PTGES3: variants seen among roughly 807,000 people sequenced by gnomAD.
The protein encoded by PTGES3 is prostaglandin E synthase 3.
Under a neutral mutation model 29.9 loss-of-function variants are expected in PTGES3, and 5 were observed. The ratio of observed to expected loss-of-function variants is 0.17; its 90% CI spans 0.09 to 0.35. The LOEUF (loss-of-function observed/expected upper bound fraction) is 0.35, where lower values mean the gene tolerates loss of function less well. Among genes scored for constraint, PTGES3 ranks in the 10% least tolerant of loss-of-function variants. The pLI, the probability that PTGES3 is intolerant of heterozygous loss-of-function variation, is 1.00. For synonymous variants in PTGES3, 49 were observed against 57.8 expected, an observed-to-expected ratio of 0.85 and a Z score of 0.69; for missense variants, 128 against 190.0, an observed-to-expected ratio of 0.67 and a Z score of 1.92.
intron 2 of PTGES3, 42 bp from the exon 3 acceptor site, chr12:56,672,851 G>T: frequency 1.3e-6 from 2 of 1,545,978 alleles, no homozygotes; most frequent in South Asian, 2.5e-5. Flanking sequence ...TCTTCAAAGA[G>T]ACAAAGATTA....
chr12:56,676,239 A>AC (rs1418222567), intron 1 of PTGES3, among the ~76,000 whole-genome samples: 16 of 151,438 alleles, frequency 1.1e-4, no homozygotes, highest in Non-Finnish European at 1.6e-4. Flanking sequence ...CCCCAAAAAA[A>AC]AAAAAAAAGC....
chr12:56,666,419 A>G (rs1951788762), intron 5 of PTGES3, among the ~76,000 whole-genome samples, 153 bp from the exon 6 acceptor site: 1 of 152,228 alleles, frequency 6.6e-6, no homozygotes, highest in African/African-American at 2.4e-5. Flanking sequence ...GAAAAGGAAG[A>G]TTATAGGTAA....
intron 1 of PTGES3, among the ~76,000 whole-genome samples, chr12:56,675,294 T>C (rs1952184804): frequency 1.3e-5 from 2 of 150,574 alleles, no homozygotes; most frequent in African/African-American, 2.5e-5. Flanking sequence ...AGCAAGACTC[T>C]GTCTCAAAAA....
At chr12:56,670,851 A>C (rs1326794175) in intron 4 of PTGES3, 1 of 154,562 alleles carries the variant, frequency 6.5e-6, no homozygotes, top group Non-Finnish European at 1.4e-5. Context: ...CTGTAACCCC[A>C]ACACTTTGGG....
intron 5 of PTGES3, 147 bp from the exon 6 acceptor site, chr12:56,666,413 A>AG: frequency 1.9e-6 from 2 of 1,070,196 alleles, no homozygotes; most frequent in Non-Finnish European, 2.5e-6. Context: ...CTTCTGGAAA[A>AG]GGAAGATTAT....
intron 5 of PTGES3, among the ~76,000 whole-genome samples, chr12:56,669,548 GC>G (rs1308162306): frequency 1.3e-5 from 2 of 152,168 alleles, no homozygotes; most frequent in Non-Finnish European, 2.9e-5. Context: ...CTCCCAAAGT[GC>G]TGGGATTACA....
chr12:56,680,078 G>GGT, intron 1 of PTGES3, among the ~76,000 whole-genome samples: 1 of 139,590 alleles, frequency 7.2e-6, no homozygotes, highest in South Asian at 2.3e-4. Context: ...ATTGGTTTTG[G>GGT]TTTTTTTTTT....
chr12:56,680,838 G>T (rs1175533510), intron 1 of PTGES3, among the ~76,000 whole-genome samples: 2 of 151,118 alleles, frequency 1.3e-5, no homozygotes, highest in Non-Finnish European at 2.9e-5. Context: ...GAGTGCTGTG[G>T]CGTGATCTCA....
intron 1 of PTGES3, among the ~76,000 whole-genome samples, chr12:56,678,979 G>A (rs985801968): frequency 6.6e-6 from 1 of 152,108 alleles, no homozygotes; most frequent in Non-Finnish European, 1.5e-5. Context: ...CGCTGGCCAT[G>A]GTGACACATG....
At chr12:56,684,086 G>C (rs1002649285) in intron 1 of PTGES3, among the ~76,000 whole-genome samples, 1 of 151,768 alleles carries the variant, frequency 6.6e-6, no homozygotes, top group African/African-American at 2.4e-5. Flanking sequence ...AGTATTTTTT[G>C]AGCTCACGTA....
chr12:56,684,006 A>T (rs980703128), intron 1 of PTGES3, among the ~76,000 whole-genome samples: 1 of 151,238 alleles, frequency 6.6e-6, no homozygotes, highest in African/African-American at 2.4e-5. Flanking sequence ...CCAAAACTGT[A>T]ATTGCCGATC....
intron 1 of PTGES3, among the ~76,000 whole-genome samples, chr12:56,676,524 C>T (rs1462211167): frequency 6.6e-6 from 1 of 151,834 alleles, no homozygotes; most frequent in Non-Finnish European, 1.5e-5. Context: ...TCTTTTATCT[C>T]CTGGGGATGT....
chr12:56,687,209 C>A, intron 1 of PTGES3: 1 of 1,049,040 alleles, frequency 9.5e-7, no homozygotes, highest in Non-Finnish European at 1.1e-6. Flanking sequence ...CTACTACATA[C>A]CTATTTCATC....
chr12:56,685,390 TTTTC>T (rs1003025245), intron 1 of PTGES3, among the ~76,000 whole-genome samples: 4 of 113,342 alleles, frequency 3.5e-5, no homozygotes, highest in Admixed American at 1.1e-4. Context: ...AGGTAGCATT[TTTTC>T]TTTTCTTTTT....
intron 1 of PTGES3, among the ~76,000 whole-genome samples, chr12:56,686,590 T>C (rs1294063872): frequency 6.6e-6 from 1 of 152,032 alleles, no homozygotes; most frequent in Non-Finnish European, 1.5e-5. Context: ...TTGGTCAGTC[T>C]GGTCTCGAAC....
intron 5 of PTGES3, among the ~76,000 whole-genome samples, chr12:56,669,815 T>C (rs886778588): frequency 1.3e-5 from 2 of 151,696 alleles, no homozygotes; most frequent in African/African-American, 4.8e-5. Context: ...TTTCACCAAG[T>C]TGGCCCGTAT....
At chr12:56,669,073 G>C (rs1263820675) in intron 5 of PTGES3, among the ~76,000 whole-genome samples, 1 of 138,028 alleles carries the variant, frequency 7.2e-6, no homozygotes, top group Non-Finnish European at 1.5e-5. Flanking sequence ...GCAGTGGTGT[G>C]ATCTCGGCTC....
At chr12:56,678,793 T>C (rs1349804828) in intron 1 of PTGES3, among the ~76,000 whole-genome samples, 3 of 152,166 alleles carry the variant, frequency 2.0e-5, no homozygotes, top group African/African-American at 7.2e-5. Context: ...TATATAGCCC[T>C]TCTATTGAGC....
intron 6 of PTGES3, 82 bp from the exon 7 acceptor site, chr12:56,664,882 C>A: frequency 6.4e-7 from 1 of 1,556,250 alleles, no homozygotes; most frequent in South Asian, 1.2e-5. Context: ...AGTTCAAGTG[C>A]TATATTTTTG....
Sources: gnomAD v4.1 joint callset for allele counts (sites outside exome capture counted in the v4.1 genomes callset) on GRCh38, gnomAD v4.1.1 for gene constraint, MANE v1.5 for transcripts, NCBI Gene and HGNC (gene_info 2026-07-23, HGNC 2026-07-21) for gene names.